The following MAMDC2 variants were observed in gnomAD, a reference collection of about 807,000 sequenced individuals.
MAMDC2 encodes MAM domain-containing protein 2.
In MAMDC2, 57 loss-of-function variants were observed where a neutral mutation model predicts 89.8. That is an observed-to-expected ratio of 0.63 (90% CI 0.51 to 0.79). The LOEUF is 0.79. Ranked by LOEUF, MAMDC2 falls within the 30% of genes least tolerant of loss-of-function variation. The probability of loss-of-function intolerance (pLI) is 0.00; values close to 1 mark genes in which losing one functional copy is unlikely to be tolerated. For synonymous variants in MAMDC2, 313 were observed against 293.4 expected, an observed-to-expected ratio of 1.07 and a Z score of -0.68; for missense variants, 800 against 820.6, an observed-to-expected ratio of 0.97 and a Z score of 0.31.
chr9:70,210,770 G>A (rs536265640), intron 11 of MAMDC2, among the ~76,000 whole-genome samples: 118 of 148,928 alleles, frequency 7.9e-4, no homozygotes, highest in African/African-American at 2.7e-3. Context: ...GGCTGGTACC[G>A]GTTGTTCCTT....
intron 7 of MAMDC2, among the ~76,000 whole-genome samples, chr9:70,138,674 T>C (rs187423345): frequency 7.7e-4 from 117 of 152,316 alleles, no homozygotes; most frequent in African/African-American, 2.7e-3. Flanking sequence ...TTTTTTTATA[T>C]ACCTGTTGGC....
chr9:70,172,275 G>A (rs1011138824), intron 11 of MAMDC2: 2 of 152,150 alleles, frequency 1.3e-5, no homozygotes, highest in Non-Finnish European at 2.9e-5. Flanking sequence ...GGAAGAAACA[G>A]TCTATTTTTT....
intron 6 of MAMDC2, among the ~76,000 whole-genome samples, chr9:70,127,110 A>G (rs909430624): frequency 4.6e-5 from 7 of 152,228 alleles, no homozygotes; most frequent in Non-Finnish European, 7.3e-5. Flanking sequence ...AAGCCCGTAC[A>G]TGAATACATG....
intron 2 of MAMDC2, among the ~76,000 whole-genome samples, chr9:70,061,618 T>G (rs1298720742): frequency 6.6e-6 from 1 of 152,166 alleles, no homozygotes; most frequent in Non-Finnish European, 1.5e-5. Context: ...AAATTTAAGA[T>G]GGTGCCAAAA....
intron 11 of MAMDC2, among the ~76,000 whole-genome samples, chr9:70,209,714 T>C (rs980980034): frequency 1.3e-5 from 2 of 152,236 alleles, no homozygotes; most frequent in Admixed American, 6.5e-5. Flanking sequence ...CTAGTTATTT[T>C]AATTGTGATG....
chr9:70,126,105 T>TC, intron 5 of MAMDC2, 54 bp from the exon 6 acceptor site: 11 of 1,519,514 alleles, frequency 7.2e-6, no homozygotes, highest in Admixed American at 1.8e-5. Flanking sequence ...CTGAACCTCT[T>TC]CCCCTCCCCC....
chr9:70,200,519 T>A (rs1587564660), intron 11 of MAMDC2, among the ~76,000 whole-genome samples: 1 of 151,868 alleles, frequency 6.6e-6, no homozygotes, highest in African/African-American at 2.4e-5. Context: ...GGCTTAGGAT[T>A]GACTTGGCGA....
At chr9:70,193,116 T>G (rs1244481041) in intron 11 of MAMDC2, among the ~76,000 whole-genome samples, 1 of 152,146 alleles carries the variant, frequency 6.6e-6, no homozygotes, top group Non-Finnish European at 1.5e-5. Context: ...TTTAGGAGCC[T>G]GACTGAAGTT....
intron 2 of MAMDC2, among the ~76,000 whole-genome samples, chr9:70,068,102 A>T (rs1217016920): frequency 2.0e-5 from 3 of 152,194 alleles, no homozygotes; most frequent in Non-Finnish European, 4.4e-5. Flanking sequence ...CTGGTATAGG[A>T]CTTATAAAGA....
chr9:70,063,304 A>C (rs1205428641), intron 2 of MAMDC2: 2 of 152,148 alleles, frequency 1.3e-5, no homozygotes, highest in Admixed American at 1.3e-4. Context: ...CAAGTGGTAT[A>C]AGGTTCGTGG....
chr9:70,096,136 C>T (rs998755404), intron 2 of MAMDC2, among the ~76,000 whole-genome samples: 11 of 152,060 alleles, frequency 7.2e-5, no homozygotes, highest in African/African-American at 2.4e-4. Flanking sequence ...GTGATTCTCC[C>T]ACCTCAGTCT....
At chr9:70,144,326 C>T (rs1420166790) in intron 9 of MAMDC2, among the ~76,000 whole-genome samples, 1 of 152,116 alleles carries the variant, frequency 6.6e-6, no homozygotes, top group African/African-American at 2.4e-5. Context: ...GAACCAACAC[C>T]ACCCTAGCCA....
chr9:70,141,460 A>G (rs1350821990), intron 8 of MAMDC2, among the ~76,000 whole-genome samples: 2 of 152,214 alleles, frequency 1.3e-5, no homozygotes, highest in Admixed American at 1.3e-4. Context: ...AAAGGGCAAG[A>G]GAAACATTAG....
At chr9:70,132,129 C>T (rs529480414) in intron 7 of MAMDC2, among the ~76,000 whole-genome samples, 1 of 152,274 alleles carries the variant, frequency 6.6e-6, no homozygotes, top group South Asian at 2.1e-4. Context: ...AATTACTTTC[C>T]ACTTCCAGGA....
At chr9:70,061,705 C>A (rs181792202) in intron 2 of MAMDC2, among the ~76,000 whole-genome samples, 1 of 152,040 alleles carries the variant, frequency 6.6e-6, no homozygotes, top group Non-Finnish European at 1.5e-5. Flanking sequence ...CCATGATGAG[C>A]AAAATGACAA....
chr9:70,200,497 C>G (rs2033078898), intron 11 of MAMDC2, among the ~76,000 whole-genome samples: 1 of 151,788 alleles, frequency 6.6e-6, no homozygotes, highest in South Asian at 2.1e-4. Context: ...ATTCCTCCAG[C>G]TTTGTTCTTT....
chr9:70,078,174 A>G (rs1827577157), intron 2 of MAMDC2, among the ~76,000 whole-genome samples: 1 of 152,168 alleles, frequency 6.6e-6, no homozygotes, highest in Admixed American at 6.5e-5. Context: ...TGAATGCAGG[A>G]TGGATATCCA....
intron 2 of MAMDC2, among the ~76,000 whole-genome samples, chr9:70,097,187 T>C (rs1828050466): frequency 6.6e-6 from 1 of 152,202 alleles, no homozygotes; most frequent in African/African-American, 2.4e-5. Flanking sequence ...TCAAGATCCC[T>C]TTATTAGACA....
intron 11 of MAMDC2, among the ~76,000 whole-genome samples, chr9:70,216,098 CTCTT>C (rs2033441018): frequency 6.6e-6 from 1 of 152,102 alleles, no homozygotes; most frequent in Non-Finnish European, 1.5e-5. Context: ...TATTTGGGAT[CTCTT>C]TATTTTTCCC....
Sources: allele counts gnomAD v4.1 joint callset (sites outside exome capture counted in the v4.1 genomes callset), GRCh38; gene constraint gnomAD v4.1.1; transcripts MANE v1.5; gene names NCBI Gene and HGNC (gene_info 2026-07-23, HGNC 2026-07-21).